Variants in ARHGEF3 observed in about 807,000 individuals in gnomAD.
ARHGEF3 encodes the protein Rho guanine nucleotide exchange factor 3.
A neutral mutation model predicts 63.2 loss-of-function variants in ARHGEF3; 28 were observed. The ratio of observed to expected loss-of-function variants is 0.44; its 90% CI spans 0.33 to 0.61. The LOEUF (loss-of-function observed/expected upper bound fraction) is 0.61. Among genes scored for constraint, ARHGEF3 ranks in the 20% least tolerant of loss-of-function variants. The pLI is 0.03. For missense variants in ARHGEF3, 533 were observed against 659.3 expected (o/e 0.81, Z 2.10); for synonymous variants, 266 against 254.2 (o/e 1.05, Z -0.44).
At chr3:56,820,201 C>T (rs1210282181) in intron 4 of ARHGEF3, among the ~76,000 whole-genome samples, 8 of 152,084 alleles carry the variant, frequency 5.3e-5, no homozygotes, top group Admixed American at 4.6e-4. Flanking sequence ...ATACTACTGC[C>T]AGGGGAGGCC....
intron 2 of ARHGEF3, among the ~76,000 whole-genome samples, chr3:56,970,541 C>T (rs900296483): frequency 6.6e-6 from 1 of 152,160 alleles, no homozygotes; most frequent in Admixed American, 6.5e-5. Flanking sequence ...AACTCCCACA[C>T]CTTCTGGCTT....
At chr3:56,800,398 T>C (rs17057325) in intron 1 of ARHGEF3, among the ~76,000 whole-genome samples, 4,676 of 152,270 alleles carry the variant, frequency 0.031, 86 homozygotes, top group South Asian at 0.043. Flanking sequence ...CCATCACACT[T>C]TCACAGCTGC....
At chr3:56,769,245 A>ACAGGGAGAGGCAGGGCT (rs1164085285) in intron 2 of ARHGEF3, among the ~76,000 whole-genome samples, 3 of 152,340 alleles carry the variant, frequency 2.0e-5, no homozygotes, top group Non-Finnish European at 4.4e-5. Context: ...ACAGCTGTGG[A>ACAGGGAGAGGCAGGGCT]CAGGGAGAGG....
intron 2 of ARHGEF3, among the ~76,000 whole-genome samples, chr3:57,031,045 G>A (rs1457184378): frequency 1.3e-5 from 2 of 152,114 alleles, no homozygotes; most frequent in Non-Finnish European, 2.9e-5. Context: ...CCTTCCAGCT[G>A]GTCGGCTTTG....
chr3:56,863,834 T>C (rs2040157815), intron 4 of ARHGEF3, among the ~76,000 whole-genome samples: 1 of 152,184 alleles, frequency 6.6e-6, no homozygotes, highest in Non-Finnish European at 1.5e-5. Flanking sequence ...TCATCTATAT[T>C]ATTTTATATT....
At chr3:57,023,214 G>C (rs1367289422) in intron 2 of ARHGEF3, among the ~76,000 whole-genome samples, 1 of 152,188 alleles carries the variant, frequency 6.6e-6, no homozygotes, top group African/African-American at 2.4e-5. Flanking sequence ...CAGATGCACA[G>C]AAGGGGCTCA....
intron 2 of ARHGEF3, among the ~76,000 whole-genome samples, chr3:56,975,159 T>C (rs886749569): frequency 2.0e-5 from 3 of 152,170 alleles, no homozygotes; most frequent in Admixed American, 2.0e-4. Context: ...GGCTCACACC[T>C]GTAATCCCAT....
At chr3:56,864,545 G>A (rs558700099) in intron 4 of ARHGEF3, among the ~76,000 whole-genome samples, 2 of 152,158 alleles carry the variant, frequency 1.3e-5, no homozygotes, top group East Asian at 1.9e-4. Context: ...TTCTTGTTAC[G>A]GTGATTATTA....
chr3:57,002,592 G>A (rs1702297932), intron 2 of ARHGEF3, among the ~76,000 whole-genome samples: 1 of 141,052 alleles, frequency 7.1e-6, no homozygotes. Context: ...TTATATATAT[G>A]TAATATATAT....
chr3:56,938,225 G>C (rs938970738), intron 3 of ARHGEF3, among the ~76,000 whole-genome samples: 2 of 152,146 alleles, frequency 1.3e-5, no homozygotes, highest in Non-Finnish European at 2.9e-5. Context: ...ATGGCAGAGA[G>C]AGCCTGAGTG....
intron 1 of ARHGEF3, among the ~76,000 whole-genome samples, chr3:56,776,276 G>A (rs540454774): frequency 1.3e-5 from 2 of 152,326 alleles, no homozygotes; most frequent in Non-Finnish European, 2.9e-5. Flanking sequence ...TCTGAAGGTT[G>A]AGTGCAGTGC....
At chr3:56,991,090 T>G (rs1298059397) in intron 2 of ARHGEF3, among the ~76,000 whole-genome samples, 1 of 152,142 alleles carries the variant, frequency 6.6e-6, no homozygotes, top group African/African-American at 2.4e-5. Flanking sequence ...TGCCATGTCT[T>G]TTACCGCCCC....
chr3:56,853,092 T>C (rs1222023577), intron 4 of ARHGEF3, among the ~76,000 whole-genome samples: 1 of 152,212 alleles, frequency 6.6e-6, no homozygotes, highest in African/African-American at 2.4e-5. Flanking sequence ...AATCTATACA[T>C]ATGATGAACT....
intron 4 of ARHGEF3, among the ~76,000 whole-genome samples, chr3:56,865,376 GA>G (rs1296110682): frequency 1.3e-5 from 2 of 152,182 alleles, no homozygotes; most frequent in African/African-American, 4.8e-5. Flanking sequence ...ACAGCTATGA[GA>G]AATGCACATC....
At chr3:57,015,934 A>C (rs1256336242) in intron 2 of ARHGEF3, among the ~76,000 whole-genome samples, 1 of 152,000 alleles carries the variant, frequency 6.6e-6, no homozygotes, top group Non-Finnish European at 1.5e-5. Context: ...GAACTCTTGG[A>C]TCTCCAATCC....
At chr3:56,924,649 G>A (rs1827267) in intron 3 of ARHGEF3, among the ~76,000 whole-genome samples, 88,981 of 152,096 alleles carry the variant, frequency 0.59, 26,152 homozygotes, top group East Asian at 0.65. Flanking sequence ...TTGCCAAGGC[G>A]TTTGTAAACT....
chr3:56,941,833 T>C (rs1483474059), intron 3 of ARHGEF3, among the ~76,000 whole-genome samples: 1 of 152,246 alleles, frequency 6.6e-6, no homozygotes, highest in Non-Finnish European at 1.5e-5. Flanking sequence ...TTTATGGTTT[T>C]AATGTGCTTT....
chr3:56,779,974 A>G (rs2036489809), intron 1 of ARHGEF3, among the ~76,000 whole-genome samples: 1 of 152,216 alleles, frequency 6.6e-6, no homozygotes, highest in Non-Finnish European at 1.5e-5. Flanking sequence ...AGAGCTTTAT[A>G]AGGATTTGCT....
chr3:57,055,788 C>G (rs571520328), intron 1 of ARHGEF3, among the ~76,000 whole-genome samples: 1 of 152,310 alleles, frequency 6.6e-6, no homozygotes, highest in Non-Finnish European at 1.5e-5. Flanking sequence ...CCCTGAAGCC[C>G]AACAGAATTC....
Sources: gnomAD v4.1 joint callset for allele counts (sites outside exome capture counted in the v4.1 genomes callset) on GRCh38, gnomAD v4.1.1 for gene constraint, MANE v1.5 for transcripts, NCBI Gene and HGNC (gene_info 2026-07-23, HGNC 2026-07-21) for gene names.